AUTS2: variants seen among roughly 807,000 people sequenced by gnomAD.
AUTS2 encodes the protein autism susceptibility gene 2 protein.
A neutral mutation model predicts 112.4 loss-of-function variants in AUTS2; 17 were observed. That is an observed-to-expected ratio of 0.15 (90% confidence interval 0.10 to 0.23). The LOEUF (loss-of-function observed/expected upper bound fraction) is 0.23. Among genes scored for constraint, AUTS2 ranks in the 10% least tolerant of loss-of-function variants. The pLI is 1.00. For synonymous variants in AUTS2, 751 were observed against 702.7 expected (o/e 1.07, Z -1.09); for missense variants, 1,510 against 1,701.6 (o/e 0.89, Z 1.98).
intron 10 of AUTS2, among the ~76,000 whole-genome samples, chr7:70,768,619 A>T (rs1168146600): frequency 6.6e-6 from 1 of 152,140 alleles, no homozygotes; most frequent in African/African-American, 2.4e-5. Context: ...AAACTCCCAA[A>T]ATTGAAATGA....
intron 1 of AUTS2, among the ~76,000 whole-genome samples, chr7:69,796,998 G>A (rs1228244265): frequency 3.9e-5 from 6 of 152,242 alleles, no homozygotes; most frequent in East Asian, 1.9e-4. Context: ...GAAGATTTTC[G>A]TCGTGAGGAT....
At chr7:69,960,585 A>ATCTCCTAGTTTAT (rs1797389795) in intron 2 of AUTS2, among the ~76,000 whole-genome samples, 1 of 152,190 alleles carries the variant, frequency 6.6e-6, no homozygotes, top group Non-Finnish European at 1.5e-5. Flanking sequence ...ATTTACATGC[A>ATCTCCTAGTTTAT]CATTTTTATG....
chr7:70,261,487 C>A (rs1260962182), intron 4 of AUTS2, among the ~76,000 whole-genome samples: 2 of 152,062 alleles, frequency 1.3e-5, no homozygotes, highest in Admixed American at 6.6e-5. Context: ...GTGTATTATA[C>A]CTCAAGTATA....
At chr7:70,361,364 G>A (rs1792257526) in intron 4 of AUTS2, among the ~76,000 whole-genome samples, 1 of 152,054 alleles carries the variant, frequency 6.6e-6, no homozygotes, top group Non-Finnish European at 1.5e-5. Context: ...GGAAAATCAA[G>A]TCAGATAATG....
chr7:70,650,108 A>G (rs886960128), intron 5 of AUTS2, among the ~76,000 whole-genome samples: 1 of 152,206 alleles, frequency 6.6e-6, no homozygotes, highest in African/African-American at 2.4e-5. Flanking sequence ...CATAGTTATC[A>G]GACACTATTT....
At chr7:70,051,446 T>A (rs1027734800) in intron 2 of AUTS2, among the ~76,000 whole-genome samples, 2 of 152,140 alleles carry the variant, frequency 1.3e-5, no homozygotes, top group African/African-American at 4.8e-5. Context: ...GCTGAGCGTG[T>A]TGGCTCACAC....
chr7:70,430,260 G>A lies in AUTS2; in HGVS notation c.661-5492G>A, dbSNP rs145206180. On this transcript the variant is annotated intron_variant, in intron 4 of 18. Coordinates refer to ENST00000342771, the MANE Select transcript of AUTS2 (RefSeq NM_015570.4). ...TTACCAAGGGCAACGTGGGAGAGGG[G>A]CAGTTTCAGGTGAGCAAAGATGTTG... 6.2e-4 allele frequency among the ~76,000 whole-genome samples: 94 copies of A among 152,276 alleles called. 1 individual carries two copies. The highest frequency in any genetic ancestry group is 1.7e-3 in the Admixed American group (26 of 15,286).
intron 1 of AUTS2, among the ~76,000 whole-genome samples, chr7:69,748,978 T>A (rs904447797): frequency 6.6e-6 from 1 of 152,088 alleles, no homozygotes. Flanking sequence ...TGGGGTGAGG[T>A]AGAAGGAGCA....
intron 2 of AUTS2, among the ~76,000 whole-genome samples, chr7:69,990,347 T>C (rs533900311): frequency 6.6e-6 from 1 of 152,354 alleles, no homozygotes; most frequent in South Asian, 2.1e-4. Flanking sequence ...TGTTCATTGT[T>C]ACCGTCTGTA....
chr7:70,118,028 G>A (rs1054318985), intron 2 of AUTS2, 104 bp from the exon 3 acceptor site: 10 of 1,348,578 alleles, frequency 7.4e-6, no homozygotes, highest in African/African-American at 6.1e-5. Flanking sequence ...GATTACAGGC[G>A]TGAGCCACCG....
intron 4 of AUTS2, among the ~76,000 whole-genome samples, chr7:70,261,645 A>G (rs1246526061): frequency 1.3e-5 from 2 of 152,260 alleles, no homozygotes; most frequent in African/African-American, 4.8e-5. Flanking sequence ...AGATTTAAAT[A>G]TCAGTTTCCC....
intron 4 of AUTS2, among the ~76,000 whole-genome samples, chr7:70,321,579 A>G (rs1230273243): frequency 6.6e-6 from 1 of 152,186 alleles, no homozygotes; most frequent in Non-Finnish European, 1.5e-5. Flanking sequence ...GTACTCCCAG[A>G]TACTCTCTAC....
At chr7:70,019,913 T>C (rs1469671588) in intron 2 of AUTS2, among the ~76,000 whole-genome samples, 3 of 152,226 alleles carry the variant, frequency 2.0e-5, no homozygotes, top group Non-Finnish European at 4.4e-5. Context: ...TTTTTCTCAA[T>C]GAAACTGATT....
chr7:70,172,177 G>T (rs1028525997), intron 4 of AUTS2, among the ~76,000 whole-genome samples: 1 of 152,186 alleles, frequency 6.6e-6, no homozygotes, highest in Non-Finnish European at 1.5e-5. Flanking sequence ...TGGCCATGGA[G>T]TGGTGGATCT....
At chr7:69,963,412 G>A (rs1797508505) in intron 2 of AUTS2, among the ~76,000 whole-genome samples, 1 of 152,134 alleles carries the variant, frequency 6.6e-6, no homozygotes, top group South Asian at 2.1e-4. Flanking sequence ...GACTTCTGGT[G>A]TCCTCTCTGG....
chr7:70,586,866 C>T (rs1041667452), intron 5 of AUTS2, among the ~76,000 whole-genome samples: 3 of 151,628 alleles, frequency 2.0e-5, no homozygotes, highest in African/African-American at 7.2e-5. Flanking sequence ...AACTTGGATA[C>T]TTTCTCTTCA....
intron 2 of AUTS2, among the ~76,000 whole-genome samples, chr7:70,051,290 T>A (rs538302603): frequency 9.2e-5 from 14 of 152,226 alleles, no homozygotes; most frequent in Non-Finnish European, 2.1e-4. Flanking sequence ...GTTTGTCTCC[T>A]GAATAAATCT....
chr7:70,390,499 C>T (rs138775149), intron 4 of AUTS2, among the ~76,000 whole-genome samples: 73 of 152,188 alleles, frequency 4.8e-4, no homozygotes, highest in African/African-American at 1.6e-3. Flanking sequence ...GTGACTCCTG[C>T]ACTATGTGAA....
chr7:70,457,177 G>A (rs565667088), intron 5 of AUTS2, among the ~76,000 whole-genome samples: 2 of 152,338 alleles, frequency 1.3e-5, no homozygotes, highest in East Asian at 1.9e-4. Context: ...GCAGCTCAGT[G>A]TAGTGGAAAC....
Sources: gnomAD v4.1 joint callset for allele counts (sites outside exome capture counted in the v4.1 genomes callset) on GRCh38, gnomAD v4.1.1 for gene constraint, MANE v1.5 for transcripts, NCBI Gene and HGNC (gene_info 2026-07-23, HGNC 2026-07-21) for gene names.